SAP30BP: variants seen among roughly 807,000 people sequenced by gnomAD.
The protein encoded by SAP30BP is SAP30-binding protein.
Under a neutral mutation model 46.3 loss-of-function variants are expected in SAP30BP, and 31 were observed. That is an observed-to-expected ratio of 0.67 (90% CI 0.50 to 0.90). SAP30BP has a LOEUF of 0.90. Among genes scored for constraint, SAP30BP ranks in the 40% least tolerant of loss-of-function variants. The pLI is 0.00. For missense variants in SAP30BP, 312 were observed against 391.0 expected, an observed-to-expected ratio of 0.80 and a Z score of 1.70; for synonymous variants, 169 against 144.2, an observed-to-expected ratio of 1.17 and a Z score of -1.23.
intron 7 of SAP30BP, 111 bp from the exon 8 acceptor site, chr17:75,703,697 G>C (rs377008986): frequency 5.2e-6 from 5 of 956,516 alleles, no homozygotes; most frequent in Non-Finnish European, 3.4e-6. Context: ...GATGACAGCC[G>C]AGCCCCGGGT....
intron 2 of SAP30BP, among the ~76,000 whole-genome samples, chr17:75,670,045 C>G (rs1352569908): frequency 6.6e-6 from 1 of 152,092 alleles, no homozygotes; most frequent in African/African-American, 2.4e-5. Flanking sequence ...TCTTTCCAGC[C>G]AAGCACGGTG....
At chr17:75,692,056 C>A in intron 3 of SAP30BP, 1 of 203,970 alleles carries the variant, frequency 4.9e-6, no homozygotes, top group Non-Finnish European at 8.7e-6. Flanking sequence ...CTTTGCCCAC[C>A]TGATTGGCAG....
At chr17:75,669,227 G>A (rs936467681) in intron 2 of SAP30BP, among the ~76,000 whole-genome samples, 2 of 151,796 alleles carry the variant, frequency 1.3e-5, no homozygotes, top group Admixed American at 6.6e-5. Flanking sequence ...ACAGGTGGGC[G>A]CCACCATGCC....
At chr17:75,683,471 A>G (rs1027879864) in intron 3 of SAP30BP, 1 of 152,122 alleles carries the variant, frequency 6.6e-6, no homozygotes, top group Non-Finnish European at 1.5e-5. Context: ...AGATTTTCAC[A>G]TCATTTCCCT....
At chr17:75,686,960 G>T (rs1461638720) in intron 3 of SAP30BP, among the ~76,000 whole-genome samples, 1 of 152,198 alleles carries the variant, frequency 6.6e-6, no homozygotes, top group Non-Finnish European at 1.5e-5. Context: ...TGCTTTCTTG[G>T]CAACCTGAAG....
intron 6 of SAP30BP, 49 bp from the exon 7 acceptor site, chr17:75,703,262 T>C (rs1314983756): frequency 2.6e-6 from 4 of 1,564,586 alleles, no homozygotes; most frequent in East Asian, 4.5e-5. Flanking sequence ...TCAGGTCCCA[T>C]GCAGGGACGT....
At chr17:75,703,527 T>C in intron 7 of SAP30BP, 156 bp downstream of exon 7, 1 of 686,636 alleles carries the variant, frequency 1.5e-6, no homozygotes, top group Non-Finnish European at 2.5e-6. Context: ...CCTATTGTTC[T>C]GAAATAGTCC....
chr17:75,705,544 G>A (rs898605894), intron 9 of SAP30BP: 3 of 879,778 alleles, frequency 3.4e-6, no homozygotes, highest in Non-Finnish European at 4.1e-6. Context: ...GATAGTTGGG[G>A]TTTCTCATTC....
At chr17:75,669,270 A>T (rs1161783170) in intron 2 of SAP30BP, among the ~76,000 whole-genome samples, 1 of 151,398 alleles carries the variant, frequency 6.6e-6, no homozygotes. Context: ...TTTTGTCGGA[A>T]TCTTGCTCTG....
intron 4 of SAP30BP, among the ~76,000 whole-genome samples, chr17:75,695,256 A>G (rs1478967297): frequency 1.3e-5 from 2 of 152,232 alleles, no homozygotes; most frequent in African/African-American, 2.4e-5. Context: ...TCTACCCACT[A>G]CGTGCCAGAG....
At chr17:75,704,917 C>T (rs928631062) in intron 9 of SAP30BP, 103 bp downstream of exon 9, 11 of 885,182 alleles carry the variant, frequency 1.2e-5, no homozygotes, top group East Asian at 9.9e-5. Context: ...ACCCTGGCCC[C>T]GTGTCATCAC....
rs2032186771 is a variant in SAP30BP, at chr17:75,706,751, A to T, written c.*230A>T. ...GTCTGCCGCCTATTAAAAGTGCCGT[A>T]TTCTTACCTCTTGGCATCTCAGATG... On this transcript the variant is annotated 3_prime_UTR_variant, in exon 11 of 11. Transcript: ENST00000584667. This position sits in a 1 kb window ranked among gnomAD's most constrained non-coding sequence, Gnocchi z 4.6. 3.6e-6 allele frequency: 2 copies of T among 562,524 alleles called. No individual in the cohort carries two copies. The highest frequency in any genetic ancestry group is 6.3e-6 in the Non-Finnish European group (2 of 315,618). 34.8% of individuals were successfully genotyped at this position (562,524 alleles called of 1,614,324 possible). A position where few individuals can be genotyped will look rare whatever the true frequency, so the allele number is the denominator to read the frequency against.
intron 9 of SAP30BP, chr17:75,705,693 T>G (rs2060485537): frequency 2.6e-6 from 3 of 1,143,640 alleles, no homozygotes; most frequent in African/African-American, 1.6e-5. Context: ...TCCTCCTGGG[T>G]GTGAGGAGGA....
At chr17:75,677,755 CTTTT>C (rs35174866) in intron 3 of SAP30BP, among the ~76,000 whole-genome samples, 2 of 119,262 alleles carry the variant, frequency 1.7e-5, no homozygotes, top group African/African-American at 6.3e-5. Context: ...ACACCCAGCC[CTTTT>C]TTTTTTTTTT....
At chr17:75,672,173 G>C (rs1330973321) in intron 3 of SAP30BP, 8 of 365,570 alleles carry the variant, frequency 2.2e-5, no homozygotes, top group Admixed American at 3.8e-5. Flanking sequence ...AAGTGTCACT[G>C]CCCTGCAGGT....
At chr17:75,698,911 G>A (rs1255472383) in intron 4 of SAP30BP, among the ~76,000 whole-genome samples, 2 of 152,168 alleles carry the variant, frequency 1.3e-5, no homozygotes, top group Non-Finnish European at 2.9e-5. Flanking sequence ...AACCATTGTG[G>A]GCCAGGCACA....
intron 6 of SAP30BP, 176 bp from the exon 7 acceptor site, chr17:75,703,135 T>TAG: frequency 1.6e-6 from 1 of 613,774 alleles, no homozygotes; most frequent in South Asian, 2.0e-5. Context: ...TCCCGGCCCC[T>TAG]AGCTAACAGG....
At chr17:75,674,686 G>GTTTGTTTTTTGTTT (rs1244625840) in intron 3 of SAP30BP, among the ~76,000 whole-genome samples, 8 of 57,016 alleles carry the variant, frequency 1.4e-4, no homozygotes, top group African/African-American at 1.4e-4. Flanking sequence ...AAGTTTTTTT[G>GTTTGTTTTTTGTTT]TTTGTTTTTT....
At chr17:75,681,467 C>G (rs894621287) in intron 3 of SAP30BP, among the ~76,000 whole-genome samples, 1 of 152,194 alleles carries the variant, frequency 6.6e-6, no homozygotes, top group Non-Finnish European at 1.5e-5. Flanking sequence ...AGAGCTGACT[C>G]GGTAATTCCC....
Sources: allele counts gnomAD v4.1 joint callset (sites outside exome capture counted in the v4.1 genomes callset), GRCh38; gene constraint gnomAD v4.1.1; non-coding constraint Gnocchi (gnomAD v3.1); transcripts MANE v1.5; gene names NCBI Gene and HGNC (gene_info 2026-07-23, HGNC 2026-07-21).